The following CRYBG3 variants were observed in gnomAD, a reference collection of about 807,000 sequenced individuals.
CRYBG3 encodes very large A-kinase anchor protein.
CRYBG3 carries 127 observed loss-of-function variants against 244.2 expected under a neutral mutation model. That is an observed-to-expected ratio of 0.52 (90% confidence interval 0.45 to 0.60). The LOEUF (loss-of-function observed/expected upper bound fraction) is 0.60. CRYBG3 is among the 20% of genes least tolerant of loss of function. CRYBG3 has a pLI of 0.00. For missense variants in CRYBG3, 3,325 were observed against 3,442.5 expected, an observed-to-expected ratio of 0.97 and a Z score of 0.85; for synonymous variants, 1,132 against 1,195.8, an observed-to-expected ratio of 0.95 and a Z score of 1.10.
intron 2 of CRYBG3, among the ~76,000 whole-genome samples, chr3:97,846,202 GA>G (rs2038898699): frequency 6.6e-6 from 1 of 152,020 alleles, no homozygotes; most frequent in Non-Finnish European, 1.5e-5. Flanking sequence ...CTCCTTTTTA[GA>G]AATGTTCTTT....
chr3:97,876,425 A>G lies in CRYBG3; in HGVS notation c.5231A>G (p.Lys1744Arg). The G allele has an allele frequency of 8.1e-7, 1 of 1,232,162 alleles. No individual in the cohort carries two copies. Among genetic ancestry groups the G allele is most frequent in the Non-Finnish European group, 1.0e-6 (1 of 987,964 alleles). 76.3% of individuals were successfully genotyped at this position (1,232,162 alleles called of 1,614,324 possible). The change falls in exon 4 of 22, where the codon AAG (lysine) becomes AGG (arginine). Residue 1744 changes from lysine (K) to arginine (R), a missense_variant. Physicochemically the swap from Lys to Arg is conservative, Grantham distance 26 (BLOSUM62 2). Coordinates refer to ENST00000389622, the MANE Select transcript of CRYBG3 (RefSeq NM_153605.4). ...VRLEMENTYP[K>R]DTERDGGKTE... is the part of the protein sequence containing the mutation. Reference sequence around the variant, plus strand: ...TTAGAAATGGAAAATACTTACCCAAAGGATACTGAAAGAGACGGTGGCAAA... The same window carrying G: ...TTAGAAATGGAAAATACTTACCCAAGGGATACTGAAAGAGACGGTGGCAAA...
At chr3:97,851,498 G>A (rs1031929921) in intron 2 of CRYBG3, among the ~76,000 whole-genome samples, 6 of 152,154 alleles carry the variant, frequency 3.9e-5, no homozygotes, top group Admixed American at 1.3e-4. Context: ...TGTAATTTCC[G>A]TCCTGAAAAA....
At chr3:97,881,007 T>G in intron 6 of CRYBG3, 65 bp from the exon 7 acceptor site, 1 of 1,308,128 alleles carries the variant, frequency 7.6e-7, no homozygotes, top group Non-Finnish European at 1.0e-6. Flanking sequence ...AAATGGTCTG[T>G]GACTTATATG....
At chr3:97,841,318 A>G (rs1389355539) in intron 1 of CRYBG3, among the ~76,000 whole-genome samples, 2 of 150,422 alleles carry the variant, frequency 1.3e-5, no homozygotes, top group Non-Finnish European at 3.0e-5. Flanking sequence ...ATGTGTATAT[A>G]CGCATATATA....
chr3:97,915,261 A>G (rs1394949627), intron 16 of CRYBG3, among the ~76,000 whole-genome samples: 1 of 152,170 alleles, frequency 6.6e-6, no homozygotes, highest in African/African-American at 2.4e-5. Flanking sequence ...TCTTATTTCA[A>G]ATTTCATCTC....
In CRYBG3 at chr3:97,843,279, T is replaced by C; in HGVS notation, c.216+18T>C. On this transcript the variant is annotated intron_variant, in intron 2 of 21. Coordinates refer to ENST00000389622, the MANE Select transcript of CRYBG3 (RefSeq NM_153605.4). ...CAGTAAAGGTATAGTTTTAAATTAA[T>C]ATTATTTTATATCAAGCAAATATCT... 2 of 1,109,880 alleles carry C rather than the reference T, an allele frequency of 1.8e-6. No homozygotes were observed. The highest frequency in any genetic ancestry group is 2.5e-6 in the Non-Finnish European group (2 of 786,912). 68.8% of individuals were successfully genotyped at this position (1,109,880 alleles called of 1,614,324 possible).
intron 2 of CRYBG3, among the ~76,000 whole-genome samples, chr3:97,857,916 G>A (rs1191409925): frequency 6.6e-6 from 1 of 151,732 alleles, no homozygotes; most frequent in Non-Finnish European, 1.5e-5. Flanking sequence ...GTTTATCTTT[G>A]GTGGTTTTCT....
At chr3:97,860,000 A>C (rs2039123330) in intron 2 of CRYBG3, among the ~76,000 whole-genome samples, 2 of 152,182 alleles carry the variant, frequency 1.3e-5, no homozygotes, top group Admixed American at 1.3e-4. Context: ...TTCACAAAAC[A>C]GTAAGTTCTG....
chr3:97,841,321 C>CAT lies in CRYBG3; in HGVS notation c.150-1865_150-1864dup, dbSNP rs370365831. On this transcript the variant is annotated intron_variant, in intron 1 of 21. Transcript: ENST00000389622. ...ATATGTATATATATGTGTATATACG[C>CAT]ATATATATATGTATATATGCATATA... 3.4e-5 allele frequency among the ~76,000 whole-genome samples: 5 copies of CAT among 149,212 alleles called. No individual in the cohort carries two copies. In the East Asian group the frequency reaches 5.9e-4, roughly 18 times the overall value.
intron 15 of CRYBG3, among the ~76,000 whole-genome samples, chr3:97,909,827 C>G (rs1329490555): frequency 2.0e-5 from 3 of 147,436 alleles, no homozygotes; most frequent in African/African-American, 7.5e-5. Context: ...AGGCGCTCTG[C>G]TTTTTAGAGT....
rs1351781964 is a variant in CRYBG3 at position 97,842,014 on chromosome 3, T to C, written c.150-1181T>C. ...GCAGAATTGGTTGCTCCTTATTTCTTTTATGCTTCGTAGCATTTTGTTCAT... is the reference window on the plus strand; with the variant it reads ...GCAGAATTGGTTGCTCCTTATTTCTCTTATGCTTCGTAGCATTTTGTTCAT... On this transcript the variant is annotated intron_variant, in intron 1 of 21. Transcript: ENST00000389622. 2.0e-5 allele frequency among the ~76,000 whole-genome samples: 3 copies of C among 152,304 alleles called. No individual in the cohort carries two copies. The East Asian group carries it at 5.8e-4, about 29-fold the overall frequency.
chr3:97,834,091 T>C (rs2038694969), intron 1 of CRYBG3, among the ~76,000 whole-genome samples: 1 of 152,108 alleles, frequency 6.6e-6, no homozygotes, highest in South Asian at 2.1e-4. Context: ...CACCTCCTAT[T>C]GGGCCCCACC....
rs898501417 is a variant in CRYBG3, at chr3:97,877,226, A to C, written c.6032A>C (p.Asp2011Ala). The C allele has an allele frequency of 6.2e-7, 1 of 1,613,832 alleles. No individual in the cohort carries two copies. Among genetic ancestry groups the C allele is most frequent in the Non-Finnish European group, 8.5e-7 (1 of 1,179,870 alleles). ...TACGAAGAGCCCCTTCAAGAGGAGGACAAGTATGCTTCCGCAGAAGCAAGA... is the reference window on the plus strand; with the variant it reads ...TACGAAGAGCCCCTTCAAGAGGAGGCCAAGTATGCTTCCGCAGAAGCAAGA... ...ILYEEPLQEE[D>A]KYASAEARQT... Residue 2011 changes from aspartate to alanine, a missense_variant, in exon 4 of 22, where the codon GAC becomes GCC. Around this residue, in one of 4 missense-constraint regions of CRYBG3, gnomAD observed 450 missense variants for 424.1 expected, o/e 1.06. Coordinates refer to ENST00000389622, the MANE Select transcript of CRYBG3 (RefSeq NM_153605.4).
At chr3:97,933,526 T>TA (rs1308113493) in intron 17 of CRYBG3, 168 bp from the exon 18 acceptor site, 5 of 749,952 alleles carry the variant, frequency 6.7e-6, no homozygotes, top group Non-Finnish European at 1.2e-5. Context: ...AAATTATTAA[T>TA]AAAATCTAAT....
intron 2 of CRYBG3, among the ~76,000 whole-genome samples, chr3:97,844,799 C>T (rs1223700348): frequency 6.6e-6 from 1 of 152,114 alleles, no homozygotes; most frequent in Non-Finnish European, 1.5e-5. Context: ...TGCTAACAAT[C>T]TTTTCCATCC....
chr3:97,871,960 A>C lies in CRYBG3; in HGVS notation c.766A>C (p.Arg256=). 1 of 1,535,916 alleles carries C rather than the reference A, an allele frequency of 6.5e-7. No individual in the cohort carries two copies. The highest frequency in any genetic ancestry group is 8.7e-7 in the Non-Finnish European group (1 of 1,146,724). ...CTTGGCAACTGTGAATACCTTGGAC[A>C]GAGAAAATGAAAGTTCTGACTCTAG... ...TGLATVNTLD[R]ENESSDSSTN... is the part of the protein sequence containing the mutation. The change falls in exon 4 of 22, where the codon AGA becomes CGA. Residue 256 remains arginine, a synonymous_variant. Transcript: ENST00000389622.
At chr3:97,882,427 G>A (rs1281639704) in intron 7 of CRYBG3, among the ~76,000 whole-genome samples, 1 of 151,980 alleles carries the variant, frequency 6.6e-6, no homozygotes. Flanking sequence ...GGAATAGGAA[G>A]GGAAGGTATT....
intron 1 of CRYBG3, among the ~76,000 whole-genome samples, chr3:97,840,963 A>C (rs2038803573): frequency 6.6e-6 from 1 of 152,100 alleles, no homozygotes; most frequent in Non-Finnish European, 1.5e-5. Flanking sequence ...TTTAAAAAAA[A>C]CTGAATTGTA....
chr3:97,928,685 C>T (rs1480379974), intron 17 of CRYBG3, among the ~76,000 whole-genome samples: 1 of 151,928 alleles, frequency 6.6e-6, no homozygotes, highest in Non-Finnish European at 1.5e-5. Context: ...AGGAAACACA[C>T]CCAGCAGGGT....
Sources: allele counts gnomAD v4.1 joint callset (sites outside exome capture counted in the v4.1 genomes callset), GRCh38; gene constraint gnomAD v4.1.1; regional missense constraint gnomAD v4.1.1; transcripts MANE v1.5; gene names NCBI Gene and HGNC (gene_info 2026-07-23, HGNC 2026-07-21).